The following ZNF610 variants were observed in gnomAD, a reference collection of about 807,000 sequenced individuals.
ZNF610 encodes the protein zink finger protein.
ZNF610 carries 14 observed loss-of-function variants against 14.1 expected under a neutral mutation model. The ratio of observed to expected loss-of-function variants is 0.99; its 90% confidence interval spans 0.65 to 1.55. ZNF610 has a LOEUF of 1.55. ZNF610 is among the 40% of genes most tolerant of loss of function. The probability of loss-of-function intolerance (pLI) is 0.00; values close to 1 mark genes in which losing one functional copy is unlikely to be tolerated. For missense variants in ZNF610, 530 were observed against 558.0 expected (o/e 0.95, Z 0.51); for synonymous variants, 185 against 187.6 (o/e 0.99, Z 0.11).
At chr19:52,342,984 C>T (rs983052807) in intron 1 of ZNF610, among the ~76,000 whole-genome samples, 6 of 152,008 alleles carry the variant, frequency 3.9e-5, no homozygotes, top group Non-Finnish European at 8.8e-5. Flanking sequence ...CTGCCTGTCT[C>T]CATTTTCCCT....
At chr19:52,364,750 G>T in intron 5 of ZNF610, among the ~76,000 whole-genome samples, 1 of 152,072 alleles carries the variant, frequency 6.6e-6, no homozygotes, top group East Asian at 1.9e-4. Context: ...GCTAATTTTT[G>T]TGTTTTTAGC....
At chr19:52,334,596 G>T (rs1012262251), upstream of ZNF610, among the ~76,000 whole-genome samples, 19 of 152,076 alleles carry the variant, frequency 1.2e-4, no homozygotes, top group Admixed American at 2.0e-4. Context: ...CTAGGAAAAT[G>T]TACTCTACCA....
intron 1 of ZNF610, among the ~76,000 whole-genome samples, chr19:52,337,511 G>A (rs970589747): frequency 6.7e-6 from 1 of 148,782 alleles, no homozygotes; most frequent in Admixed American, 6.8e-5. Context: ...AGGAATAGAG[G>A]GAAGAGGGGG....
At chr19:52,337,756 A>C (rs1470465589) in intron 1 of ZNF610, among the ~76,000 whole-genome samples, 1 of 152,182 alleles carries the variant, frequency 6.6e-6, no homozygotes, top group Non-Finnish European at 1.5e-5. Flanking sequence ...ATAAGCACAA[A>C]ATTTATTTCA....
rs1986171477 is a variant in ZNF610 at position 52,367,583 on chromosome 19, A to G, written c.*816A>G. 2 of 126,066 alleles carry G rather than the reference A, an allele frequency of 1.6e-5. No individual in the cohort carries two copies. Among genetic ancestry groups the G allele is most frequent in the Non-Finnish European group, 3.3e-5 (2 of 60,468 alleles). The allele number at this position is 126,066 out of a possible 1,614,324, so 7.8% of individuals were successfully genotyped here. On this transcript the variant is annotated 3_prime_UTR_variant, in exon 6 of 6. Transcript: ENST00000403906. ...GTGTGTGTGTGTATGTGTGTGAGAC[A>G]TAAAACAACATACGCTTCTGGGTGC...
At chr19:52,361,598 A>G (rs1371242787) in intron 5 of ZNF610, among the ~76,000 whole-genome samples, 2 of 146,842 alleles carry the variant, frequency 1.4e-5, no homozygotes, top group African/African-American at 4.9e-5. Context: ...GGGTTTGTCA[A>G]TCTTTTTAAA....
At chr19:52,363,364 C>T (rs1985876916) in intron 5 of ZNF610, among the ~76,000 whole-genome samples, 1 of 151,306 alleles carries the variant, frequency 6.6e-6, no homozygotes, top group Non-Finnish European at 1.5e-5. Context: ...CTCCTGGCCT[C>T]AAGTGATCCT....
At chr19:52,359,181 C>A (rs2560883) in intron 5 of ZNF610, among the ~76,000 whole-genome samples, 26,514 of 152,090 alleles carry the variant, frequency 0.17, 2,748 homozygotes, top group East Asian at 0.32. Context: ...AGAAAACTTC[C>A]TTGGGATTTT....
intron 1 of ZNF610, among the ~76,000 whole-genome samples, chr19:52,338,379 C>T (rs906242193): frequency 1.3e-5 from 2 of 152,142 alleles, no homozygotes; most frequent in Admixed American, 1.3e-4. Context: ...TCCTAGCAAA[C>T]TAATCAAAAT....
At chr19:52,333,201 C>T (rs925492893), upstream of ZNF610, among the ~76,000 whole-genome samples, 10 of 152,256 alleles carry the variant, frequency 6.6e-5, no homozygotes, top group East Asian at 3.9e-4. Context: ...AATGCAAAAT[C>T]GGCAAGGCAA....
intron 3 of ZNF610, among the ~76,000 whole-genome samples, chr19:52,350,617 G>A (rs1600233998): frequency 6.6e-6 from 1 of 152,194 alleles, no homozygotes; most frequent in Non-Finnish European, 1.5e-5. Flanking sequence ...GGCGGAGGTT[G>A]CAGTGAGCCA....
At chr19:52,339,004 A>AT (rs1388260897) in intron 1 of ZNF610, among the ~76,000 whole-genome samples, 3 of 151,916 alleles carry the variant, frequency 2.0e-5, no homozygotes, top group Admixed American at 1.3e-4. Flanking sequence ...TGGCAGGACA[A>AT]AGGTAATAGT....
At chr19:52,331,955 C>G (rs1018559351), upstream of ZNF610, among the ~76,000 whole-genome samples, 1 of 152,136 alleles carries the variant, frequency 6.6e-6, no homozygotes. Flanking sequence ...AGTGGCATCA[C>G]GAAGTGGCAC....
intron 3 of ZNF610, among the ~76,000 whole-genome samples, chr19:52,349,508 A>G (rs1985141498): frequency 6.6e-6 from 1 of 151,302 alleles, no homozygotes; most frequent in East Asian, 1.9e-4. Context: ...TTCAGGGGCC[A>G]CATCTGGATG....
At position 52,367,062 on chromosome 19, in the gene ZNF610, CTT is replaced by C; in HGVS notation, c.*297_*298del. On this transcript the variant is annotated 3_prime_UTR_variant, in exon 6 of 6. Transcript: ENST00000403906. ...ACTGCTGGCACCGTAATTTGTAACT[CTT>C]TGATTTAGAATGTACATACTTCTCA... 2.9e-6 allele frequency: 1 copy of C among 349,892 alleles called. No individual in the cohort carries two copies. The highest frequency in any genetic ancestry group is 4.6e-5 in the East Asian group (1 of 21,850). The allele number at this position is 349,892 out of a possible 1,614,324, so 21.7% of individuals were successfully genotyped here.
At chr19:52,331,149 C>T in the ZNF610 span, among the ~76,000 whole-genome samples, 1 of 152,156 alleles carries the variant, frequency 6.6e-6, no homozygotes, top group Non-Finnish European at 1.5e-5. Flanking sequence ...CTGACAGACA[C>T]AGCCTCAGAC....
intron 1 of ZNF610, among the ~76,000 whole-genome samples, chr19:52,339,224 G>A (rs990107429): frequency 2.6e-5 from 4 of 151,582 alleles, no homozygotes; most frequent in Admixed American, 2.6e-4. Flanking sequence ...ACATTCTATT[G>A]CCCAAGGACA....
At chr19:52,339,565 C>G (rs1440695605) in intron 1 of ZNF610, among the ~76,000 whole-genome samples, 1 of 146,502 alleles carries the variant, frequency 6.8e-6, no homozygotes, top group African/African-American at 2.8e-5. Flanking sequence ...AACCTTGAGT[C>G]AACACAGCAC....
At chr19:52,362,925 A>G (rs1000140129) in intron 5 of ZNF610, among the ~76,000 whole-genome samples, 2 of 152,202 alleles carry the variant, frequency 1.3e-5, no homozygotes, top group Admixed American at 1.3e-4. Context: ...TAATGAGGCT[A>G]TAGTGATGTT....
Sources: allele counts gnomAD v4.1 joint callset (sites outside exome capture counted in the v4.1 genomes callset), GRCh38; gene constraint gnomAD v4.1.1; transcripts MANE v1.5; gene names NCBI Gene and HGNC (gene_info 2026-07-23, HGNC 2026-07-21).